Variants in TMEM178B observed in about 807,000 individuals in gnomAD.
TMEM178B encodes transmembrane protein 178B.
In TMEM178B, 5 loss-of-function variants were observed where a neutral mutation model predicts 31.0. The observed-to-expected ratio is 0.16, with a 90% CI of 0.08 to 0.34. The LOEUF (loss-of-function observed/expected upper bound fraction) is 0.34, where lower values mean the gene tolerates loss of function less well. TMEM178B is among the 10% of genes least tolerant of loss of function. TMEM178B has a pLI of 1.00. For missense variants in TMEM178B, 275 were observed against 400.3 expected (o/e 0.69, Z 2.67); for synonymous variants, 164 against 164.0 (o/e 1.00, Z 0.00).
chr7:141,108,306 A>G (rs1795178367), intron 1 of TMEM178B, among the ~76,000 whole-genome samples: 1 of 152,202 alleles, frequency 6.6e-6, no homozygotes, highest in African/African-American at 2.4e-5. Context: ...TCCAATGCAG[A>G]AGGAAAATTT....
chr7:141,372,371 G>A (rs545862468), intron 2 of TMEM178B, among the ~76,000 whole-genome samples: 1 of 152,222 alleles, frequency 6.6e-6, no homozygotes, highest in Non-Finnish European at 1.5e-5. Context: ...GGCCAGGTGC[G>A]CTCTTGCTCA....
At chr7:141,451,333 G>C (rs1202154398) in intron 3 of TMEM178B, among the ~76,000 whole-genome samples, 1 of 152,176 alleles carries the variant, frequency 6.6e-6, no homozygotes, top group Non-Finnish European at 1.5e-5. Context: ...ACCATGCTTG[G>C]TCTGTAGTGA....
At chr7:141,115,572 T>TAG (rs767994440) in intron 1 of TMEM178B, among the ~76,000 whole-genome samples, 2 of 152,212 alleles carry the variant, frequency 1.3e-5, no homozygotes, top group Non-Finnish European at 2.9e-5. Flanking sequence ...TTTTAAAACT[T>TAG]AGAGGCTATT....
intron 2 of TMEM178B, among the ~76,000 whole-genome samples, chr7:141,219,737 A>G (rs1463008660): frequency 1.3e-5 from 2 of 152,182 alleles, no homozygotes; most frequent in Non-Finnish European, 2.9e-5. Flanking sequence ...CAGAGAACAC[A>G]AACCCCTTAA....
chr7:141,467,425 G>A (rs1373940044), intron 3 of TMEM178B, among the ~76,000 whole-genome samples: 1 of 152,102 alleles, frequency 6.6e-6, no homozygotes, highest in Non-Finnish European at 1.5e-5. Context: ...TAGTCATACT[G>A]TCACTGTGCC....
intron 2 of TMEM178B, among the ~76,000 whole-genome samples, chr7:141,290,191 C>T (rs936703595): frequency 6.6e-6 from 1 of 152,182 alleles, no homozygotes; most frequent in Non-Finnish European, 1.5e-5. Flanking sequence ...AGCAGACCAG[C>T]AGATAATCCA....
chr7:141,231,957 C>T lies in TMEM178B; in HGVS notation c.496+19253C>T, dbSNP rs116852711. ...TATTCTTCCTGATGCTGTCCCTCCCCTTGCCACCCCCAACCCTACAGGCCC... is the reference window on the plus strand; with the variant it reads ...TATTCTTCCTGATGCTGTCCCTCCCTTTGCCACCCCCAACCCTACAGGCCC... On this transcript the variant is annotated intron_variant, in intron 2 of 3. Transcript: ENST00000565468. Among the ~76,000 whole-genome samples the T allele has an allele frequency of 1.3e-3, 194 of 152,322 alleles. 4 individuals carry two copies. In the East Asian group the frequency reaches 0.032, roughly 25 times the overall value.
chr7:141,082,780 A>G (rs1053724433), intron 1 of TMEM178B, among the ~76,000 whole-genome samples: 1 of 152,182 alleles, frequency 6.6e-6, no homozygotes, highest in African/African-American at 2.4e-5. Context: ...TCCCAAGTTC[A>G]TTGTCATGTG....
chr7:141,204,771 C>A (rs1442181429), intron 1 of TMEM178B, among the ~76,000 whole-genome samples: 1 of 152,156 alleles, frequency 6.6e-6, no homozygotes, highest in Non-Finnish European at 1.5e-5. Flanking sequence ...AAATATAACT[C>A]AGGGCTTCCT....
chr7:141,433,188 G>C (rs1162377636), intron 2 of TMEM178B, among the ~76,000 whole-genome samples: 1 of 152,202 alleles, frequency 6.6e-6, no homozygotes, highest in Non-Finnish European at 1.5e-5. Context: ...CTGATCCCAG[G>C]AGTCAAGGGA....
At chr7:141,262,855 C>T (rs1798036696) in intron 2 of TMEM178B, among the ~76,000 whole-genome samples, 1 of 152,140 alleles carries the variant, frequency 6.6e-6, no homozygotes, top group Non-Finnish European at 1.5e-5. Flanking sequence ...TTGGCTGGGA[C>T]TCAGGGTTAA....
intron 2 of TMEM178B, among the ~76,000 whole-genome samples, chr7:141,325,768 G>A (rs1278362513): frequency 3.3e-5 from 5 of 152,240 alleles, no homozygotes; most frequent in Non-Finnish European, 7.4e-5. Context: ...TTTTCCACCT[G>A]GGATGGTTTG....
At chr7:141,269,485 C>T (rs1798146849) in intron 2 of TMEM178B, among the ~76,000 whole-genome samples, 1 of 152,160 alleles carries the variant, frequency 6.6e-6, no homozygotes, top group Admixed American at 6.5e-5. Flanking sequence ...GCTTAAATTC[C>T]CAGTACCCCC....
intron 1 of TMEM178B, among the ~76,000 whole-genome samples, chr7:141,164,003 T>C (rs1197578680): frequency 6.6e-6 from 1 of 152,128 alleles, no homozygotes; most frequent in Non-Finnish European, 1.5e-5. Context: ...GACTAAGACA[T>C]TTGTAACTCA....
chr7:141,250,757 T>A (rs1180805499), intron 2 of TMEM178B, among the ~76,000 whole-genome samples: 2 of 152,214 alleles, frequency 1.3e-5, no homozygotes, highest in African/African-American at 4.8e-5. Flanking sequence ...CAGTTTCCTT[T>A]GCCTGTTACC....
At chr7:141,280,699 G>A (rs892628232) in intron 2 of TMEM178B, among the ~76,000 whole-genome samples, 1 of 152,154 alleles carries the variant, frequency 6.6e-6, no homozygotes. Flanking sequence ...CTTTAGCATG[G>A]AGTTGCTTTC....
intron 2 of TMEM178B, among the ~76,000 whole-genome samples, chr7:141,430,991 C>T (rs538837289): frequency 6.6e-6 from 1 of 152,298 alleles, no homozygotes; most frequent in East Asian, 1.9e-4. Context: ...CAGACCTCCC[C>T]AGGAGGTGCC....
chr7:141,173,116 A>C (rs1477021986), intron 1 of TMEM178B: 1 of 152,214 alleles, frequency 6.6e-6, no homozygotes, highest in Non-Finnish European at 1.5e-5. Flanking sequence ...GTCTGAGTCT[A>C]TATACCACAT....
chr7:141,123,204 A>G (rs1207938938), intron 1 of TMEM178B, among the ~76,000 whole-genome samples: 2 of 152,238 alleles, frequency 1.3e-5, no homozygotes, highest in Non-Finnish European at 2.9e-5. Flanking sequence ...TTGTGGGAAA[A>G]GAGACTTTTG....
Sources: gnomAD v4.1 joint callset for allele counts (sites outside exome capture counted in the v4.1 genomes callset) on GRCh38, gnomAD v4.1.1 for gene constraint, MANE v1.5 for transcripts, NCBI Gene and HGNC (gene_info 2026-07-23, HGNC 2026-07-21) for gene names.